The following CNOT6L variants were observed in gnomAD, a reference collection of about 807,000 sequenced individuals.
CNOT6L encodes the protein CCR4-NOT transcription complex subunit 6 like, also known as CCR4-NOT transcription complex subunit 6-like.
CNOT6L carries 7 observed loss-of-function variants against 64.0 expected under a neutral mutation model. That is an observed-to-expected ratio of 0.11 (90% confidence interval 0.06 to 0.21). CNOT6L has a LOEUF of 0.21. CNOT6L is among the 10% of genes least tolerant of loss of function. CNOT6L has a pLI of 1.00. For synonymous variants in CNOT6L, 193 were observed against 243.4 expected, an observed-to-expected ratio of 0.79 and a Z score of 1.93; for missense variants, 245 against 669.0, an observed-to-expected ratio of 0.37 and a Z score of 6.99.
At chr4:77,727,557 T>A (rs1240125334) in intron 10 of CNOT6L, among the ~76,000 whole-genome samples, 3 of 88,830 alleles carry the variant, frequency 3.4e-5, no homozygotes, top group African/African-American at 1.5e-4. Flanking sequence ...AGCACAACTC[T>A]GTCTCAAAAA....
rs532248958 is a variant in CNOT6L at position 77,725,803 on chromosome 4, G to A, written c.1455+364C>T. ...CTATATTCGGTGCTTTTCTGTGGGG[G>A]GCGGGAGGTTAGGGGAGGGAGGTTA... On this transcript the variant is annotated intron_variant, in intron 11 of 11. Coordinates refer to ENST00000504123, the MANE Select transcript of CNOT6L (RefSeq NM_144571.3). Among the ~76,000 whole-genome samples the A allele has an allele frequency of 1.9e-3, 295 of 152,194 alleles. 2 individuals carry two copies. Among genetic ancestry groups the A allele is most frequent in the Middle Eastern group, 0.017 (5 of 294 alleles).
chr4:77,809,610 T>C (rs1241674433), intron 1 of CNOT6L, among the ~76,000 whole-genome samples: 1 of 152,182 alleles, frequency 6.6e-6, no homozygotes, highest in African/African-American at 2.4e-5. Context: ...TTGTTAAATA[T>C]GATAAACATT....
intron 4 of CNOT6L, among the ~76,000 whole-genome samples, chr4:77,761,918 T>C (rs542369794): frequency 6.6e-6 from 1 of 152,244 alleles, no homozygotes; most frequent in South Asian, 2.1e-4. Context: ...CAATTAAATA[T>C]CAATTGTATT....
chr4:77,730,607 A>C (rs932694495), intron 9 of CNOT6L, among the ~76,000 whole-genome samples: 1 of 152,140 alleles, frequency 6.6e-6, no homozygotes, highest in African/African-American at 2.4e-5. Context: ...GAAAAGTAAA[A>C]AGTCCAAAAT....
upstream of CNOT6L, chr4:77,819,494 G>A: frequency 1.6e-6 from 2 of 1,271,642 alleles, no homozygotes; most frequent in Non-Finnish European, 2.1e-6. Flanking sequence ...CCGAGGGGAA[G>A]CCGCGGCGGC....
chr4:77,777,793 T>C (rs72864981), intron 1 of CNOT6L, among the ~76,000 whole-genome samples: 50 of 152,232 alleles, frequency 3.3e-4, no homozygotes, highest in African/African-American at 1.2e-3. Flanking sequence ...ATTTGTAACA[T>C]ATAGAGATTA....
chr4:77,791,489 G>A (rs1730144495), intron 1 of CNOT6L, among the ~76,000 whole-genome samples: 2 of 151,998 alleles, frequency 1.3e-5, no homozygotes, highest in African/African-American at 4.8e-5. Flanking sequence ...AATACTTACA[G>A]ATTCACAAAA....
chr4:77,760,860 CTTTTTTTTTTTTTTTTTTTT>C (rs754195745), intron 4 of CNOT6L, among the ~76,000 whole-genome samples: 10 of 29,978 alleles, frequency 3.3e-4, no homozygotes, highest in East Asian at 2.5e-3. Flanking sequence ...CCATGCCTGG[CTTTTTTTTTTTTTTTTTTTT>C]TTTTTTTTTT....
chr4:77,780,981 C>T (rs1728793826), intron 1 of CNOT6L, among the ~76,000 whole-genome samples: 1 of 152,090 alleles, frequency 6.6e-6, no homozygotes, highest in Admixed American at 6.6e-5. Context: ...CTCTAAAAAA[C>T]ATAAAAAAAC....
At chr4:77,788,213 T>A (rs1306453543) in intron 1 of CNOT6L, among the ~76,000 whole-genome samples, 1 of 152,170 alleles carries the variant, frequency 6.6e-6, no homozygotes, top group Non-Finnish European at 1.5e-5. Flanking sequence ...AAAACTTGGA[T>A]GGGAAAAGAT....
chr4:77,789,485 T>TG (rs1729853219), intron 1 of CNOT6L, among the ~76,000 whole-genome samples: 2 of 152,002 alleles, frequency 1.3e-5, no homozygotes. Flanking sequence ...AAGACCACCC[T>TG]GGGCAACATG....
At chr4:77,727,257 C>T (rs919234322) in intron 10 of CNOT6L, among the ~76,000 whole-genome samples, 25 of 152,098 alleles carry the variant, frequency 1.6e-4, no homozygotes, top group African/African-American at 5.5e-4. Context: ...TGATTCCCCC[C>T]TTGTTAAAAA....
intron 8 of CNOT6L, among the ~76,000 whole-genome samples, chr4:77,734,733 A>G (rs1722771580): frequency 6.6e-6 from 1 of 151,288 alleles, no homozygotes; most frequent in Admixed American, 6.6e-5. Flanking sequence ...TTAATTTTTT[A>G]CAGATATGTA....
chr4:77,779,186 C>A (rs1319638251), intron 1 of CNOT6L, among the ~76,000 whole-genome samples: 2 of 151,114 alleles, frequency 1.3e-5, no homozygotes, highest in Non-Finnish European at 2.9e-5. Context: ...GAGGCATATT[C>A]TTTTTATATC....
chr4:77,782,709 G>A (rs1729002517), intron 1 of CNOT6L, among the ~76,000 whole-genome samples: 1 of 150,082 alleles, frequency 6.7e-6, no homozygotes, highest in Non-Finnish European at 1.5e-5. Flanking sequence ...CAAACTCCTG[G>A]GCTCAAGCAA....
chr4:77,755,038 AT>A (rs1372000591), intron 5 of CNOT6L, among the ~76,000 whole-genome samples: 2 of 151,410 alleles, frequency 1.3e-5, no homozygotes, highest in Non-Finnish European at 1.5e-5. Context: ...GTACATTAAA[AT>A]TTTTCTGTTT....
chr4:77,725,807 G>C (rs972280873), intron 11 of CNOT6L, among the ~76,000 whole-genome samples: 3 of 152,094 alleles, frequency 2.0e-5, no homozygotes, highest in African/African-American at 7.2e-5. Flanking sequence ...GTGGGGGGCG[G>C]GAGGTTAGGG....
chr4:77,762,616 CTTCAT>C (rs1192981482), intron 4 of CNOT6L, among the ~76,000 whole-genome samples: 4 of 152,106 alleles, frequency 2.6e-5, no homozygotes, highest in Admixed American at 6.6e-5. Flanking sequence ...ACAAATTTGC[CTTCAT>C]TTCTATTGTT....
intron 1 of CNOT6L, among the ~76,000 whole-genome samples, chr4:77,793,459 C>T (rs769701974): frequency 1.3e-4 from 20 of 152,258 alleles, no homozygotes; most frequent in Non-Finnish European, 2.5e-4. Flanking sequence ...GTGGCATAAG[C>T]GCATTCTGAA....
Sources: gnomAD v4.1 joint callset for allele counts (sites outside exome capture counted in the v4.1 genomes callset) on GRCh38, gnomAD v4.1.1 for gene constraint, MANE v1.5 for transcripts, NCBI Gene and HGNC (gene_info 2026-07-23, HGNC 2026-07-21) for gene names.